The following RTTN variants were observed in gnomAD, a reference collection of about 807,000 sequenced individuals.
RTTN encodes rotatin.
In RTTN, 182 loss-of-function variants were observed where a neutral mutation model predicts 269.2. The observed-to-expected ratio is 0.68, with a 90% CI of 0.60 to 0.76. The LOEUF is 0.76. Among genes scored for constraint, RTTN ranks in the 30% least tolerant of loss-of-function variants. The pLI is 0.00. For missense variants in RTTN, 2,545 were observed against 2,608.6 expected (o/e 0.98, Z 0.53); for synonymous variants, 1,006 against 963.5 (o/e 1.04, Z -0.82).
At chr18:70,020,894 T>A in intron 44 of RTTN, 77 bp from the exon 45 acceptor site, 2 of 1,216,724 alleles carry the variant, frequency 1.6e-6, no homozygotes, top group Middle Eastern at 2.0e-4. Context: ...TGGCAAAGCA[T>A]ATCTGTCTAA....
At chr18:70,046,150 C>T (rs762929067) in intron 40 of RTTN, among the ~76,000 whole-genome samples, 1 of 152,094 alleles carries the variant, frequency 6.6e-6, no homozygotes, top group Non-Finnish European at 1.5e-5. Context: ...CCTTCAAACA[C>T]AGCACCACAA....
At chr18:70,180,356 G>C (rs2061395650) in intron 10 of RTTN, among the ~76,000 whole-genome samples, 1 of 151,846 alleles carries the variant, frequency 6.6e-6, no homozygotes, top group Non-Finnish European at 1.5e-5. Flanking sequence ...TTAGCCAGGA[G>C]TGGTGCCTTG....
chr18:70,141,779 T>A (rs967054456), intron 19 of RTTN, among the ~76,000 whole-genome samples: 1 of 152,112 alleles, frequency 6.6e-6, no homozygotes, highest in Non-Finnish European at 1.5e-5. Context: ...TTTAAAAAAA[T>A]AAAAATAAAC....
rs551718752 is a variant in RTTN at position 70,003,634 on chromosome 18, T to C, written c.*517A>G. The C allele has an allele frequency of 2.6e-5, 4 of 152,378 alleles. No homozygotes were observed. The highest frequency in any genetic ancestry group is 9.6e-5 in the African/African-American group (4 of 41,536). 9.4% of individuals were successfully genotyped at this position (152,378 alleles called of 1,614,324 possible). ...TAGCCCTTTTCCAGTGTGGATGCTCTGGATAACAGAAAGTTTTGAAAATAA... is the reference window on the plus strand; with the variant it reads ...TAGCCCTTTTCCAGTGTGGATGCTCCGGATAACAGAAAGTTTTGAAAATAA... On this transcript the variant is annotated 3_prime_UTR_variant, in exon 49 of 49. Coordinates refer to ENST00000640769, the MANE Select transcript of RTTN (RefSeq NM_173630.4).
At chr18:70,047,917 G>A in intron 40 of RTTN, 54 bp downstream of exon 40, 2 of 1,392,148 alleles carry the variant, frequency 1.4e-6, no homozygotes, top group East Asian at 2.3e-5. Context: ...ATGACTGAAA[G>A]TCAATTTATT....
intron 40 of RTTN, among the ~76,000 whole-genome samples, chr18:70,041,272 T>C (rs1172174028): frequency 6.6e-6 from 1 of 151,398 alleles, no homozygotes; most frequent in Non-Finnish European, 1.5e-5. Context: ...TCACTAGCAA[T>C]TGGGAGCAGG....
At chr18:70,093,459 A>G (rs1301160672) in intron 28 of RTTN, among the ~76,000 whole-genome samples, 2 of 152,146 alleles carry the variant, frequency 1.3e-5, no homozygotes, top group African/African-American at 2.4e-5. Flanking sequence ...AGGTCTTATT[A>G]TTTTGAGATA....
At chr18:70,182,520 A>G (rs1475080920) in intron 10 of RTTN, among the ~76,000 whole-genome samples, 9 of 152,136 alleles carry the variant, frequency 5.9e-5, no homozygotes, top group Admixed American at 5.2e-4. Context: ...GGGAAGGAAG[A>G]AAGGGAGAGG....
chr18:70,121,490 T>C, intron 26 of RTTN, 66 bp downstream of exon 26: 1 of 1,281,276 alleles, frequency 7.8e-7, no homozygotes, highest in South Asian at 1.5e-5. Context: ...CATAATATAA[T>C]GTTAATGATT....
At chr18:70,035,782 A>G (rs2057154224) in intron 40 of RTTN, among the ~76,000 whole-genome samples, 1 of 152,142 alleles carries the variant, frequency 6.6e-6, no homozygotes, top group South Asian at 2.1e-4. Flanking sequence ...AACCTACAGA[A>G]TGGGAGAAAA....
intron 35 of RTTN, among the ~76,000 whole-genome samples, chr18:70,063,031 T>C (rs2058035242): frequency 6.6e-6 from 1 of 152,224 alleles, no homozygotes; most frequent in Non-Finnish European, 1.5e-5. Context: ...TTGTGTTGTT[T>C]CCATGTTTTA....
At chr18:70,088,499 T>C (rs1268712040) in intron 30 of RTTN, among the ~76,000 whole-genome samples, 4 of 152,234 alleles carry the variant, frequency 2.6e-5, no homozygotes. Context: ...TTCTTTGTTC[T>C]ACCTTTCTTA....
chr18:70,028,808 A>T lies in RTTN; in HGVS notation c.5746-7T>A. On this transcript the variant is annotated splice_polypyrimidine_tract_variant and splice_region_variant and intron_variant, in intron 42 of 48. Coordinates refer to ENST00000640769, the MANE Select transcript of RTTN (RefSeq NM_173630.4). ...CTTTAATAACACCATCCTCCTATTT[A>T]AACAAAAAGCAGTTGAAAACTGTGA... The T allele has an allele frequency of 6.2e-7, 1 of 1,603,360 alleles. No individual in the cohort carries two copies. Among genetic ancestry groups the T allele is most frequent in the Non-Finnish European group, 8.5e-7 (1 of 1,171,612 alleles).
intron 32 of RTTN, among the ~76,000 whole-genome samples, chr18:70,082,937 C>G (rs768019184): frequency 4.6e-5 from 7 of 152,184 alleles, no homozygotes; most frequent in Non-Finnish European, 1.0e-4. Context: ...AAGTGATCCT[C>G]TCACCTCAGC....
chr18:70,114,495 C>T lies in RTTN; in HGVS notation c.3633G>A (p.Leu1211=), dbSNP rs971985399. 5.6e-6 allele frequency: 9 copies of T among 1,613,400 alleles called. No individual in the cohort carries two copies. The highest frequency in any genetic ancestry group is 6.8e-6 in the Non-Finnish European group (8 of 1,179,530). Residue 1211 remains leucine (L), a synonymous_variant, in exon 27 of 49, where the codon CTG becomes CTA. Coordinates refer to ENST00000640769, the MANE Select transcript of RTTN (RefSeq NM_173630.4). ...TAVRQQLQKE[L]IALFDTLLLN... ...GCAGCAAGGTATCAAAAAGAGCAAT[C>T]AGTTCTTTCTGAAGTTGTTGCCTGA...
At position 70,105,561 on chromosome 18, in the gene RTTN, G is replaced by A. The variant is rs139372220; in HGVS notation, c.3903+3937C>T. Among the ~76,000 whole-genome samples, 774 of 152,248 alleles carry A rather than the reference G, an allele frequency of 5.1e-3. 5 individuals carry two copies. The highest frequency in any genetic ancestry group is 0.018 in the African/African-American group (729 of 41,542). On this transcript the variant is annotated intron_variant, in intron 28 of 48. Coordinates refer to ENST00000640769, the MANE Select transcript of RTTN (RefSeq NM_173630.4). Reference sequence around the variant, plus strand: ...TCAGCTGGAAATGCAAAAATCACCCGTCTTCTGCGTCGCTCATGCTGGGAG... The same window carrying A: ...TCAGCTGGAAATGCAAAAATCACCCATCTTCTGCGTCGCTCATGCTGGGAG...
rs933496485 is a variant in RTTN, at chr18:70,121,455, T to C, written c.3528+101A>G. 4 of 1,002,738 alleles carry C rather than the reference T, an allele frequency of 4.0e-6. No individual in the cohort carries two copies. In the East Asian group the frequency reaches 7.8e-5, roughly 19 times the overall value. The allele number at this position is 1,002,738 out of a possible 1,614,324, so 62.1% of individuals were successfully genotyped here. The stretch of plus-strand genomic sequence containing the variant: ...TACATGAAGACTACTTTACCAAGCA[T>C]AGACAATATAAAATTATCCTTTTCC... On this transcript the variant is annotated intron_variant, in intron 26 of 48. Transcript: ENST00000640769.
chr18:70,027,547 A>C (rs1403007482), intron 43 of RTTN, among the ~76,000 whole-genome samples: 1 of 152,202 alleles, frequency 6.6e-6, no homozygotes, highest in Non-Finnish European at 1.5e-5. Context: ...TTATAGGTAG[A>C]TCCCACATGT....
At chr18:70,176,206 T>G (rs62089138) in intron 11 of RTTN, among the ~76,000 whole-genome samples, 2,755 of 18,716 alleles carry the variant, frequency 0.15, 54 homozygotes, top group Middle Eastern at 0.38. Flanking sequence ...TGTAGATGTA[T>G]ATGTATATGT....
Sources: gnomAD v4.1 joint callset for allele counts (sites outside exome capture counted in the v4.1 genomes callset) on GRCh38, gnomAD v4.1.1 for gene constraint, MANE v1.5 for transcripts, NCBI Gene and HGNC (gene_info 2026-07-23, HGNC 2026-07-21) for gene names.